PLSCR2: variants seen among roughly 807,000 people sequenced by gnomAD.
PLSCR2 encodes PL scramblase 2.
In PLSCR2, 18 loss-of-function variants were observed where a neutral mutation model predicts 25.3. The ratio of observed to expected loss-of-function variants is 0.71; its 90% CI spans 0.49 to 1.06. The LOEUF (loss-of-function observed/expected upper bound fraction) is 1.06, where lower values mean the gene tolerates loss of function less well. Ranked by LOEUF, PLSCR2 falls within the 50% of genes least tolerant of loss-of-function variation. The pLI is 0.00. For missense variants in PLSCR2, 243 were observed against 269.5 expected, an observed-to-expected ratio of 0.90 and a Z score of 0.69; for synonymous variants, 88 against 87.3, an observed-to-expected ratio of 1.01 and a Z score of -0.04.
At chr3:146,466,157 AGTTTT>A (rs1223923468) in intron 1 of PLSCR2, among the ~76,000 whole-genome samples, 1 of 152,192 alleles carries the variant, frequency 6.6e-6, no homozygotes, top group Admixed American at 6.5e-5. Flanking sequence ...AGGCTTTTAC[AGTTTT>A]GTTTGTTTGT....
chr3:146,441,193 T>C (rs1409224795), downstream of PLSCR2, among the ~76,000 whole-genome samples: 1 of 152,086 alleles, frequency 6.6e-6, no homozygotes, highest in African/African-American at 2.4e-5. Context: ...TAAAAAATAC[T>C]CCAGCCTGGG....
At chr3:146,491,649 C>T (rs547144885) in intron 1 of PLSCR2, among the ~76,000 whole-genome samples, 29 of 152,248 alleles carry the variant, frequency 1.9e-4, no homozygotes, top group African/African-American at 7.0e-4. Context: ...GTTGTTAATG[C>T]TTCCAATTGC....
intron 2 of PLSCR2, among the ~76,000 whole-genome samples, chr3:146,407,988 A>G (rs759133149): frequency 2.6e-5 from 4 of 152,184 alleles, no homozygotes; most frequent in Non-Finnish European, 5.9e-5. Flanking sequence ...ACCTTGTGGG[A>G]GAGAAAGTCA....
At chr3:146,403,768 TG>T (rs2108009335) in intron 2 of PLSCR2, among the ~76,000 whole-genome samples, 1 of 152,322 alleles carries the variant, frequency 6.6e-6, no homozygotes, top group African/African-American at 2.4e-5. Flanking sequence ...TCTAGAGGCT[TG>T]GAAGTCCAAA....
At chr3:146,461,935 A>G, upstream of PLSCR2, 1 of 1,490,934 alleles carries the variant, frequency 6.7e-7, no homozygotes, top group Non-Finnish European at 8.9e-7. Flanking sequence ...AAACACAGCT[A>G]CAAATAATAT....
At chr3:146,488,613 A>G (rs1374723646) in intron 1 of PLSCR2, among the ~76,000 whole-genome samples, 1 of 152,150 alleles carries the variant, frequency 6.6e-6, no homozygotes, top group Non-Finnish European at 1.5e-5. Flanking sequence ...GCAAATCAAA[A>G]CCACAATGAG....
At chr3:146,398,631 A>G (rs2038356531) in intron 2 of PLSCR2, 1 of 151,816 alleles carries the variant, frequency 6.6e-6, no homozygotes. Flanking sequence ...TAATTTTAAT[A>G]TGATATTACA....
downstream of PLSCR2, among the ~76,000 whole-genome samples, chr3:146,430,085 AT>A (rs1421587675): frequency 6.6e-6 from 1 of 152,202 alleles, no homozygotes; most frequent in African/African-American, 2.4e-5. Flanking sequence ...AAGTATAAAA[AT>A]TTGAAGCATA....
chr3:146,442,060 A>G (rs4444684), intron 6 of PLSCR2, among the ~76,000 whole-genome samples: 73,568 of 151,798 alleles, frequency 0.48, 18,775 homozygotes, highest in South Asian at 0.7. Flanking sequence ...AATTTAATTA[A>G]TCCTATGGCA....
intron 3 of PLSCR2, among the ~76,000 whole-genome samples, chr3:146,394,468 G>A (rs557791797): frequency 6.6e-6 from 1 of 152,158 alleles, no homozygotes; most frequent in Admixed American, 6.5e-5. Context: ...GTTTCTCCAT[G>A]TTGGTCAAGC....
Position 146,483,428 on chromosome 3 carries a change from A to AAT in PLSCR2, c.-293+12465_-293+12466dup, listed in dbSNP as rs546837366. Among the ~76,000 whole-genome samples the AAT allele has an allele frequency of 8.8e-3, 912 of 103,670 alleles. 17 individuals are homozygous for AAT. Among genetic ancestry groups the AAT allele is most frequent in the Non-Finnish European group, 0.014 (731 of 50,802 alleles). The allele number at this position is 103,670 out of a possible 152,430, so 68.0% of individuals were successfully genotyped here. A position where few individuals can be genotyped will look rare whatever the true frequency, so the allele number is the denominator to read the frequency against. ...CACATGTACCCTAGAACTTAAACTTAATATATATATATATACACATGTATG... is the reference window on the plus strand; with the variant it reads ...CACATGTACCCTAGAACTTAAACTTAATATATATATATATATACACATGTATG... On this transcript the variant is annotated intron_variant, in intron 1 of 8. Coordinates refer to the PLSCR2 transcript ENST00000336685.
At chr3:146,451,799 C>T (rs1482796888) in intron 5 of PLSCR2, among the ~76,000 whole-genome samples, 4 of 152,198 alleles carry the variant, frequency 2.6e-5, no homozygotes, top group Admixed American at 6.5e-5. Flanking sequence ...CTCTAAACAA[C>T]AGGTTCAAAG....
chr3:146,439,203 T>C (rs555848648), downstream of PLSCR2, among the ~76,000 whole-genome samples: 1 of 152,326 alleles, frequency 6.6e-6, no homozygotes, highest in Admixed American at 6.5e-5. Flanking sequence ...TGGCTGCCCT[T>C]AACATTTTTT....
chr3:146,426,183 C>T (rs2039339160), intron 2 of PLSCR2, among the ~76,000 whole-genome samples: 2 of 140,572 alleles, frequency 1.4e-5, no homozygotes, highest in Admixed American at 1.5e-4. Flanking sequence ...TCCTTCCTTC[C>T]TCCCTCCCTC....
intron 5 of PLSCR2, 78 bp downstream of exon 5, chr3:146,453,924 A>T: frequency 1.7e-6 from 2 of 1,145,440 alleles, no homozygotes; most frequent in Non-Finnish European, 2.4e-6. Context: ...ATACTAATTT[A>T]AGGCATTCAT....
chr3:146,407,846 C>T (rs1449083756), intron 2 of PLSCR2, among the ~76,000 whole-genome samples: 1 of 152,116 alleles, frequency 6.6e-6, no homozygotes, highest in African/African-American at 2.4e-5. Context: ...ACTCCTTGCT[C>T]GAGAAAGCTG....
At chr3:146,430,941 A>G (rs952749028), downstream of PLSCR2, among the ~76,000 whole-genome samples, 5 of 152,148 alleles carry the variant, frequency 3.3e-5, no homozygotes, top group Admixed American at 3.3e-4. Context: ...ACTCCAAGTC[A>G]GGGATACCTA....
chr3:146,419,441 A>T (rs1389375952), intron 2 of PLSCR2, among the ~76,000 whole-genome samples: 1 of 152,104 alleles, frequency 6.6e-6, no homozygotes, highest in Non-Finnish European at 1.5e-5. Context: ...AAAGCCACTT[A>T]TGTATTTTTA....
At chr3:146,456,566 T>C (rs748750390) in intron 3 of PLSCR2, among the ~76,000 whole-genome samples, 2 of 152,242 alleles carry the variant, frequency 1.3e-5, no homozygotes, top group Non-Finnish European at 2.9e-5. Context: ...GCTGTTTATC[T>C]ATAAAATGAC....
Sources: allele counts gnomAD v4.1 joint callset (sites outside exome capture counted in the v4.1 genomes callset), GRCh38; gene constraint gnomAD v4.1.1; transcripts MANE v1.5; gene names NCBI Gene and HGNC (gene_info 2026-07-23, HGNC 2026-07-21).